Variants in EDEM2 observed in about 807,000 individuals in gnomAD.
EDEM2 encodes the protein ER degradation-enhancing alpha-mannosidase-like protein 2.
Under a neutral mutation model 64.8 loss-of-function variants are expected in EDEM2, and 39 were observed. The observed-to-expected ratio is 0.60, with a 90% CI of 0.47 to 0.79. The LOEUF is 0.79. Among genes scored for constraint, EDEM2 ranks in the 30% least tolerant of loss-of-function variants. The probability of loss-of-function intolerance (pLI) is 0.00; values close to 1 mark genes in which losing one functional copy is unlikely to be tolerated. For synonymous variants in EDEM2, 296 were observed against 291.5 expected, an observed-to-expected ratio of 1.02 and a Z score of -0.16; for missense variants, 609 against 731.3, an observed-to-expected ratio of 0.83 and a Z score of 1.93.
intron 4 of EDEM2, among the ~76,000 whole-genome samples, chr20:35,138,715 G>A (rs1351752127): frequency 1.3e-5 from 2 of 151,606 alleles, no homozygotes; most frequent in Non-Finnish European, 2.9e-5. Context: ...GAGTAGCTGG[G>A]ACTACAGGAG....
Position 35,123,835 on chromosome 20 carries a change from G to A in EDEM2, c.1114+55C>T, listed in dbSNP as rs147200845. 1,307 of 1,595,790 alleles carry A rather than the reference G, an allele frequency of 8.2e-4. 9 individuals are homozygous for A. The highest frequency in any genetic ancestry group is 7.4e-3 in the Middle Eastern group (35 of 4,708). On this transcript the variant is annotated intron_variant, in intron 9 of 10. Transcript: ENST00000374492. ...GGATGGAGCCTTGTAGAGGGGATTT[G>A]GGGTTTCAGCAACCAGAGCCTGTGG...
intron 9 of EDEM2, among the ~76,000 whole-genome samples, 167 bp from the exon 10 acceptor site, chr20:35,118,886 C>G (rs2085338432): frequency 6.6e-6 from 1 of 152,226 alleles, no homozygotes; most frequent in Non-Finnish European, 1.5e-5. Context: ...CCAGTATACC[C>G]AAAGCTTGAA....
At position 35,146,860 on chromosome 20, in the gene EDEM2, TCG is replaced by T; in HGVS notation, c.181_182del (p.Arg61ThrfsTer5). On this transcript the variant is annotated frameshift_variant, in exon 2 of 11. Transcript: ENST00000374492. LOFTEE classifies it high-confidence loss of function. ...LENAFPFDEL[R>X]PLTCDGHDTW... ...TGTCGTGCCCGTCACAGGTGAGAGG[TCG>T]CAGCTCATCGAAGGGAAAGGCATTC... The T allele has an allele frequency of 6.2e-7, 1 of 1,613,738 alleles. No homozygotes were observed.
intron 4 of EDEM2, among the ~76,000 whole-genome samples, chr20:35,141,317 A>T (rs1270201046): frequency 2.0e-5 from 3 of 152,164 alleles, no homozygotes; most frequent in African/African-American, 7.2e-5. Context: ...GAAAGATGGA[A>T]AGGATAGAAA....
At chr20:35,145,130 C>T in intron 2 of EDEM2, 112 bp from the exon 3 acceptor site, 2 of 1,044,394 alleles carry the variant, frequency 1.9e-6, no homozygotes, top group Non-Finnish European at 2.9e-6. Flanking sequence ...AATGCCTCTG[C>T]CTGTCCCACT....
Position 35,147,234 on chromosome 20 carries a change from G to A in EDEM2, c.25C>T (p.Leu9Phe), listed in dbSNP as rs1473138678. 1 of 1,595,554 alleles carries A rather than the reference G, an allele frequency of 6.3e-7. No homozygotes were observed. The change falls in exon 1 of 11, where the codon CTC (leucine) becomes TTC (phenylalanine). Residue 9 changes from leucine to phenylalanine, a missense_variant. Physicochemically the swap from Leu to Phe is conservative, Grantham distance 22. Coordinates refer to ENST00000374492, the MANE Select transcript of EDEM2 (RefSeq NM_018217.3). Reference protein sequence around the residue: MPFRLLIPLGLLCALLPQH... With the variant: MPFRLLIPFGLLCALLPQH... ...GGCAGCAGCGCGCACAGGAGGCCGA[G>A]CGGGATGAGCAGCCGGAAAGGCATA...
chr20:35,116,399 C>G (rs1444386531), intron 10 of EDEM2, among the ~76,000 whole-genome samples: 1 of 152,200 alleles, frequency 6.6e-6, no homozygotes, highest in African/African-American at 2.4e-5. Flanking sequence ...AAATGCAAGT[C>G]ATGACCTGGC....
intron 3 of EDEM2, 133 bp downstream of exon 3, chr20:35,144,846 G>A (rs540927416): frequency 5.2e-4 from 505 of 968,086 alleles, no homozygotes; most frequent in Non-Finnish European, 7.3e-4. Flanking sequence ...ACAGCCGGAC[G>A]CTTCAGAATC....
chr20:35,118,610 G>A lies in EDEM2; in HGVS notation c.1224C>T (p.Cys408=), dbSNP rs767312656. The change falls in exon 10 of 11, where the codon TGC becomes TGT. Residue 408 remains cysteine (C), a synonymous_variant. Transcript: ENST00000374492. Reference sequence around the variant, plus strand: ...TGCAAACACTTACTGTTGCAAATCCGCACTCCACCTTGCTGATTTTTTCAA... The same window carrying A: ...TGCAAACACTTACTGTTGCAAATCCACACTCCACCTTGCTGATTTTTTCAA... The part of the protein sequence containing the change: ...ESIEKISKVE[C]GFATIKDLRD... The A allele has an allele frequency of 2.7e-5, 44 of 1,613,848 alleles. No homozygotes were observed. In the East Asian group the frequency reaches 4.7e-4, roughly 17 times the overall value.
intron 4 of EDEM2, among the ~76,000 whole-genome samples, chr20:35,138,774 C>G (rs760531627): frequency 2.0e-5 from 3 of 151,384 alleles, no homozygotes; most frequent in Non-Finnish European, 2.9e-5. Flanking sequence ...TTTGTAGACA[C>G]GGTGTTTCAC....
At chr20:35,143,151 C>T (rs1330778439) in intron 3 of EDEM2, among the ~76,000 whole-genome samples, 1 of 152,148 alleles carries the variant, frequency 6.6e-6, no homozygotes, top group Non-Finnish European at 1.5e-5. Context: ...AAATTCATTC[C>T]TACCCTCTTT....
chr20:35,135,722 T>A (rs980880540), intron 5 of EDEM2, among the ~76,000 whole-genome samples: 1 of 152,134 alleles, frequency 6.6e-6, no homozygotes, highest in African/African-American at 2.4e-5. Context: ...ATAAAGAGTA[T>A]AGGGGCTAAA....
At chr20:35,129,840 T>C (rs1163748609) in intron 7 of EDEM2, among the ~76,000 whole-genome samples, 1 of 152,134 alleles carries the variant, frequency 6.6e-6, no homozygotes, top group East Asian at 1.9e-4. Context: ...TTCAGTAGAG[T>C]AACATGCTGT....
chr20:35,144,566 T>G (rs12106264), intron 3 of EDEM2, among the ~76,000 whole-genome samples: 20,770 of 152,106 alleles, frequency 0.14, 1,748 homozygotes, highest in African/African-American at 0.24. Context: ...ACCCCTGACC[T>G]CAGGTGATCT....
chr20:35,143,910 C>CT (rs1004184196), intron 3 of EDEM2, among the ~76,000 whole-genome samples: 2 of 150,998 alleles, frequency 1.3e-5, no homozygotes, highest in African/African-American at 4.9e-5. Flanking sequence ...TCTTTTATAT[C>CT]TTTTTTTTGT....
rs758689530 is a variant in EDEM2, at chr20:35,126,380, A to G, written c.845-5T>C. 7 of 1,613,840 alleles carry G rather than the reference A, an allele frequency of 4.3e-6. No homozygotes were observed. The highest frequency in any genetic ancestry group is 5.9e-6 in the Non-Finnish European group (7 of 1,179,956). Reference sequence around the variant, plus strand: ...TCCGGATGGCTTTGTTATACTCTGCAGTGGGGGAGATGGGATAATGGACAT... The same window carrying G: ...TCCGGATGGCTTTGTTATACTCTGCGGTGGGGGAGATGGGATAATGGACAT... On this transcript the variant is annotated splice_region_variant and splice_polypyrimidine_tract_variant and intron_variant, in intron 7 of 10. Coordinates refer to ENST00000374492, the MANE Select transcript of EDEM2 (RefSeq NM_018217.3).
intron 9 of EDEM2, among the ~76,000 whole-genome samples, chr20:35,123,165 C>T (rs2085388369): frequency 6.6e-6 from 1 of 152,184 alleles, no homozygotes; most frequent in South Asian, 2.1e-4. Context: ...AAAGTTCTAA[C>T]ATTCCATACA....
At chr20:35,141,119 CAAAAAAAAAAAAA>C (rs58702725) in intron 4 of EDEM2, among the ~76,000 whole-genome samples, 6 of 29,386 alleles carry the variant, frequency 2.0e-4, no homozygotes, top group Admixed American at 5.1e-4. Context: ...GACTCCGCCT[CAAAAAAAAAAAAA>C]AAAAAAAAAA....
rs1227172614 is a variant in EDEM2, at chr20:35,146,398, G to A, written c.218+427C>T. 5.9e-5 allele frequency among the ~76,000 whole-genome samples: 9 copies of A among 152,228 alleles called. No individual in the cohort carries two copies. In the South Asian group the frequency reaches 1.0e-3, roughly 18 times the overall value. ...AGCAGCCAGTGATGGGAGGAAAATG[G>A]GGAGTGTATTTCAGGCACGGGGCAC... On this transcript the variant is annotated intron_variant, in intron 2 of 10. Transcript: ENST00000374492.
Sources: gnomAD v4.1 joint callset for allele counts (sites outside exome capture counted in the v4.1 genomes callset) on GRCh38, gnomAD v4.1.1 for gene constraint, MANE v1.5 for transcripts, NCBI Gene and HGNC (gene_info 2026-07-23, HGNC 2026-07-21) for gene names.